Variants in MOB4 observed in about 807,000 individuals in gnomAD.
The protein encoded by MOB4 is MOB family member 4, phocein.
Under a neutral mutation model 32.2 loss-of-function variants are expected in MOB4, and 4 were observed. The ratio of observed to expected loss-of-function variants is 0.12; its 90% CI spans 0.06 to 0.28. The LOEUF (loss-of-function observed/expected upper bound fraction) is 0.28, where lower values mean the gene tolerates loss of function less well. Among genes scored for constraint, MOB4 ranks in the 10% least tolerant of loss-of-function variants. The pLI is 1.00. For missense variants in MOB4, 158 were observed against 271.2 expected (o/e 0.58, Z 2.93); for synonymous variants, 88 against 88.1 (o/e 1.00, Z 0.01).
chr2:197,550,498 T>C lies in MOB4; in HGVS notation c.547-17T>C. 6.3e-7 allele frequency: 1 copy of C among 1,582,060 alleles called. No individual in the cohort carries two copies. The highest frequency in any genetic ancestry group is 1.2e-5 in the South Asian group (1 of 85,442). On this transcript the variant is annotated splice_polypyrimidine_tract_variant and intron_variant, in intron 7 of 7. Coordinates refer to ENST00000323303, the MANE Select transcript of MOB4 (RefSeq NM_015387.5). ...GGATAGTGAATTAAAATAACATTTT[T>C]GTCTTCCTCTCTACAGAATGAAACA...
intron 1 of MOB4, among the ~76,000 whole-genome samples, chr2:197,517,564 A>C (rs2086436994): frequency 6.6e-6 from 1 of 152,208 alleles, no homozygotes; most frequent in Non-Finnish European, 1.5e-5. Context: ...TAATTTTGAA[A>C]GGTTAGAAAA....
intron 5 of MOB4, among the ~76,000 whole-genome samples, chr2:197,543,047 T>C (rs1039849122): frequency 3.3e-5 from 5 of 152,144 alleles, no homozygotes; most frequent in Non-Finnish European, 5.9e-5. Context: ...ATCCCAGCAC[T>C]TTGGGAGGCC....
At chr2:197,548,694 T>G (rs973682233) in intron 6 of MOB4, among the ~76,000 whole-genome samples, 2 of 152,220 alleles carry the variant, frequency 1.3e-5, no homozygotes, top group African/African-American at 2.4e-5. Context: ...TTTTGTATTT[T>G]TTTTTTTAGC....
chr2:197,533,859 C>T lies in MOB4; in HGVS notation c.124-1671C>T, dbSNP rs183993696. On this transcript the variant is annotated intron_variant, in intron 2 of 7. Coordinates refer to ENST00000323303, the MANE Select transcript of MOB4 (RefSeq NM_015387.5). ...AATCAAGTGATTCCTGGCCAAGAAA[C>T]AAAAGCAAAATCGTCCCATTCCCCA... The T allele has an allele frequency of 1.6e-4, 99 of 635,478 alleles. No homozygotes were observed. In the African/African-American group the frequency reaches 1.6e-3, roughly 10 times the overall value. 39.4% of individuals were successfully genotyped at this position (635,478 alleles called of 1,614,324 possible).
At chr2:197,529,386 C>G (rs2086662242) in intron 2 of MOB4, among the ~76,000 whole-genome samples, 1 of 152,056 alleles carries the variant, frequency 6.6e-6, no homozygotes, top group South Asian at 2.1e-4. Flanking sequence ...GAGTCTCGCT[C>G]TGTCACCCAG....
intron 5 of MOB4, among the ~76,000 whole-genome samples, chr2:197,546,370 C>T (rs1003732108): frequency 6.6e-6 from 1 of 151,278 alleles, no homozygotes; most frequent in Non-Finnish European, 1.5e-5. Flanking sequence ...CTCACGTTAT[C>T]CCCTTTTTAA....
At chr2:197,515,894 T>C (rs1367940567), upstream of MOB4, 4 of 581,574 alleles carry the variant, frequency 6.9e-6, no homozygotes, top group African/African-American at 4.0e-5. Flanking sequence ...CCCGACGCCG[T>C]CCGGCTGTTC....
At chr2:197,528,965 ATTT>A (rs781143808) in intron 2 of MOB4, among the ~76,000 whole-genome samples, 1 of 135,832 alleles carries the variant, frequency 7.4e-6, no homozygotes. Context: ...TCCTTTAGTA[ATTT>A]TTTTTTTTTT....
chr2:197,515,811 A>T, upstream of MOB4: 1 of 510,080 alleles, frequency 2.0e-6, no homozygotes, highest in Non-Finnish European at 3.5e-6. Context: ...ACGACCTTTC[A>T]AACCGCCCCG....
chr2:197,551,477 T>C lies in MOB4; in HGVS notation c.*831T>C, dbSNP rs189620240. 1.8e-4 allele frequency: 28 copies of C among 152,906 alleles called. No homozygotes were observed. Among genetic ancestry groups the C allele is most frequent in the Admixed American group, 1.6e-3 (25 of 15,298 alleles). The allele number at this position is 152,906 out of a possible 1,614,324, so 9.5% of individuals were successfully genotyped here. ...AATTGCTTACAGATTATACCTCATA[T>C]TAGCAATTACATTACACTACAAGAA... On this transcript the variant is annotated 3_prime_UTR_variant, in exon 8 of 8. Coordinates refer to ENST00000323303, the MANE Select transcript of MOB4 (RefSeq NM_015387.5).
At chr2:197,517,447 C>T (rs1336989799) in intron 1 of MOB4, among the ~76,000 whole-genome samples, 1 of 152,128 alleles carries the variant, frequency 6.6e-6, no homozygotes, top group East Asian at 1.9e-4. Flanking sequence ...TCTCAGATAC[C>T]TTTACATCTT....
In MOB4 at chr2:197,543,907, T is replaced by G. The variant is rs2086943241; in HGVS notation, c.354+3470T>G. Among the ~76,000 whole-genome samples, 3 of 152,156 alleles carry G rather than the reference T, an allele frequency of 2.0e-5. No homozygotes were observed. In the South Asian group the frequency reaches 6.2e-4, roughly 32 times the overall value. On this transcript the variant is annotated intron_variant, in intron 5 of 7. Transcript: ENST00000323303. ...GGCATGTGCCACCTCGCCTGACTAA[T>G]TTTTGTATTTTTAGTAGTGACATGG... is the stretch of plus-strand genomic sequence containing the variant.
Position 197,548,451 on chromosome 2 carries a change from T to C in MOB4, c.434+36T>C, listed in dbSNP as rs757358207. ...CTTTTAAACATAGTGTTAAACATTTTAGAGTTAATTTATAAGATTGGTATT... is the reference window on the plus strand; with the variant it reads ...CTTTTAAACATAGTGTTAAACATTTCAGAGTTAATTTATAAGATTGGTATT... On this transcript the variant is annotated intron_variant, in intron 6 of 7. Transcript: ENST00000323303. 16 of 1,392,312 alleles carry C rather than the reference T, an allele frequency of 1.1e-5. No homozygotes were observed. In the South Asian group the frequency reaches 2.1e-4, roughly 19 times the overall value. 86.2% of individuals were successfully genotyped at this position (1,392,312 alleles called of 1,614,324 possible).
chr2:197,538,469 A>C (rs2086841690), intron 3 of MOB4, among the ~76,000 whole-genome samples: 1 of 150,088 alleles, frequency 6.7e-6, no homozygotes, highest in African/African-American at 2.5e-5. Context: ...AGTTGATTAT[A>C]TAATGATGTT....
rs71012981 is a variant in MOB4, at chr2:197,536,595, C to CTT, written c.224+988_224+989dup. ...TTTGCATAACTGTGTCATCTTTTGTCTTTTTTTTTTTTTTTTTTTTTTTTG... is the reference window on the plus strand; with the variant it reads ...TTTGCATAACTGTGTCATCTTTTGTCTTTTTTTTTTTTTTTTTTTTTTTTTTG... On this transcript the variant is annotated intron_variant, in intron 3 of 7. Coordinates refer to ENST00000323303, the MANE Select transcript of MOB4 (RefSeq NM_015387.5). 5.2e-4 allele frequency among the ~76,000 whole-genome samples: 29 copies of CTT among 55,354 alleles called. 1 individual carries two copies. The highest frequency in any genetic ancestry group is 1.4e-3 in the African/African-American group (18 of 13,106). 36.3% of individuals were successfully genotyped at this position (55,354 alleles called of 152,430 possible).
rs149367885 is a variant in MOB4, at chr2:197,527,927, ATTG to A, written c.123+4250_123+4252del. On this transcript the variant is annotated intron_variant, in intron 2 of 7. Transcript: ENST00000323303. ...TTTGTATATTAATGTAGTATATTGC[ATTG>A]TTGTTGTTTTTTTAAAAATGTTGAA... Among the ~76,000 whole-genome samples the A allele has an allele frequency of 4.4e-3, 666 of 152,098 alleles. 6 individuals carry two copies. Among genetic ancestry groups the A allele is most frequent in the African/African-American group, 0.015 (633 of 41,492 alleles).
chr2:197,535,772 AG>A (rs1387960723), intron 3 of MOB4, 142 bp downstream of exon 3: 28 of 866,366 alleles, frequency 3.2e-5, no homozygotes, highest in Middle Eastern at 6.8e-4. Context: ...CAGTGTCACA[AG>A]GTTCTCAGCT....
chr2:197,524,721 C>T (rs2086579769), intron 2 of MOB4, among the ~76,000 whole-genome samples: 1 of 151,560 alleles, frequency 6.6e-6, no homozygotes. Flanking sequence ...TCAAGCAGTC[C>T]ACCCACCATG....
intron 2 of MOB4, among the ~76,000 whole-genome samples, chr2:197,532,527 A>AATTAGCCTAGGCG (rs1559318787): frequency 1.3e-5 from 2 of 151,966 alleles, no homozygotes; most frequent in African/African-American, 4.8e-5. Context: ...TAGCCTAGGC[A>AATTAGCCTAGGCG]GTCTTGAATT....
Sources: allele counts gnomAD v4.1 joint callset (sites outside exome capture counted in the v4.1 genomes callset), GRCh38; gene constraint gnomAD v4.1.1; transcripts MANE v1.5; gene names NCBI Gene and HGNC (gene_info 2026-07-23, HGNC 2026-07-21).